Variants in FHIP2B observed in about 807,000 individuals in gnomAD.
The protein encoded by FHIP2B is FHF complex subunit HOOK-interacting protein 2B.
In FHIP2B, 72 loss-of-function variants were observed where a neutral mutation model predicts 84.0. That is an observed-to-expected ratio of 0.86 (90% CI 0.71 to 1.04). The LOEUF (loss-of-function observed/expected upper bound fraction) is 1.04. FHIP2B is among the 50% of genes least tolerant of loss of function. The probability of loss-of-function intolerance (pLI) is 0.00; values close to 1 mark genes in which losing one functional copy is unlikely to be tolerated. For missense variants in FHIP2B, 972 were observed against 968.9 expected (o/e 1.00, Z -0.04); for synonymous variants, 497 against 418.7 (o/e 1.19, Z -2.28).
At position 22,102,921 on chromosome 8, in the gene FHIP2B, G is replaced by A; in HGVS notation, c.2222G>A (p.Gly741Glu). ...CAGAACGTCTCCCCAGCCCCGGAAG[G>A]GCAGGTCTGAGCCAGCACCAGGGCG... is the stretch of plus-strand genomic sequence containing the variant. Reference protein sequence around the residue: ...PRQNVSPAPEGQV With the variant: ...PRQNVSPAPEEQV The change falls in exon 17 of 17, where the codon GGG becomes GAG. Residue 741 changes from glycine to glutamate, a missense_variant. By Grantham distance (98) the Gly-to-Glu change is moderately conservative. Coordinates refer to ENST00000289921, the MANE Select transcript of FHIP2B (RefSeq NM_022749.7). The A allele has an allele frequency of 2.5e-6, 4 of 1,613,418 alleles. No individual in the cohort carries two copies. Among genetic ancestry groups the A allele is most frequent in the Non-Finnish European group, 2.5e-6 (3 of 1,179,790 alleles).
At chr8:22,101,277 C>A in intron 12 of FHIP2B, 163 bp from the exon 13 acceptor site, 1 of 661,804 alleles carries the variant, frequency 1.5e-6, no homozygotes, top group Non-Finnish European at 2.6e-6. Flanking sequence ...CCCACCTCAG[C>A]CTCCCAAAGT....
intron 2 of FHIP2B, chr8:22,095,439 G>C (rs1825710135): frequency 6.6e-6 from 1 of 152,220 alleles, no homozygotes; most frequent in African/African-American, 2.4e-5. Context: ...CAACCAGGAA[G>C]GTCTCCAGAC....
chr8:22,101,156 G>A (rs542109052), intron 12 of FHIP2B, 184 bp downstream of exon 12: 1 of 746,700 alleles, frequency 1.3e-6, no homozygotes, highest in East Asian at 2.7e-5. Context: ...CCGAGTACCT[G>A]GGATTACAGA....
At chr8:22,089,341 C>T in intron 1 of FHIP2B, 43 bp downstream of exon 1, 6 of 981,680 alleles carry the variant, frequency 6.1e-6, no homozygotes, top group Non-Finnish European at 7.3e-6. Flanking sequence ...GAGTCGCGGG[C>T]CTAGGCCGGG....
chr8:22,102,939 C>T lies in FHIP2B; in HGVS notation c.*8C>T, dbSNP rs751836920. The T allele has an allele frequency of 1.9e-6, 3 of 1,612,236 alleles. No individual in the cohort carries two copies. Among genetic ancestry groups the T allele is most frequent in the African/African-American group, 2.7e-5 (2 of 74,902 alleles). On this transcript the variant is annotated 3_prime_UTR_variant, in exon 17 of 17. Transcript: ENST00000289921. ...CCGGAAGGGCAGGTCTGAGCCAGCA[C>T]CAGGGCGGTGGGAGACTCCTGTCCA...
In FHIP2B at chr8:22,093,708, C is replaced by CTTT. The variant is rs59841460; in HGVS notation, c.46-708_46-706dup. On this transcript the variant is annotated intron_variant, in intron 1 of 16. Transcript: ENST00000289921. Reference sequence around the variant, plus strand: ...ATTGAGAGGAATGGAAAAGCTTTGTCTTTTTTTTTTTTTTTTTTTTTTTTT... The same window carrying CTTT: ...ATTGAGAGGAATGGAAAAGCTTTGTCTTTTTTTTTTTTTTTTTTTTTTTTTTTT... Among the ~76,000 whole-genome samples, 401 of 66,432 alleles carry CTTT rather than the reference C, an allele frequency of 6.0e-3. 116 individuals are homozygous for CTTT. Among genetic ancestry groups the CTTT allele is most frequent in the African/African-American group, 0.024 (381 of 15,798 alleles). 43.6% of individuals were successfully genotyped at this position (66,432 alleles called of 152,430 possible).
At position 22,094,367 on chromosome 8, in the gene FHIP2B, A is replaced by T. The variant is rs899150186; in HGVS notation, c.46-73A>T. The T allele has an allele frequency of 2.1e-6, 3 of 1,456,746 alleles. No homozygotes were observed. In the East Asian group the frequency reaches 7.7e-5, roughly 37 times the overall value. 90.2% of individuals were successfully genotyped at this position (1,456,746 alleles called of 1,614,324 possible). Reference sequence around the variant, plus strand: ...CTAGCATGAACCTGACACTCAGAATATCTGTTCCCATGCGGGCAGGGGCTC... The same window carrying T: ...CTAGCATGAACCTGACACTCAGAATTTCTGTTCCCATGCGGGCAGGGGCTC... On this transcript the variant is annotated intron_variant, in intron 1 of 16. Transcript: ENST00000289921.
chr8:22,102,311 T>C lies in FHIP2B; in HGVS notation c.1988T>C (p.Val663Ala). Residue 663 changes from valine to alanine, a missense_variant, in exon 15 of 17, where the codon GTG becomes GCG. Transcript: ENST00000289921. ...TGCAGGAGCCTATTCTCCGTGTTGG[T>C]GAGGGTGAGGACGCCTCGGCCCAAG... Reference protein sequence around the residue: ...PGCRSLFSVLVRVIGDLMQRI... With the variant: ...PGCRSLFSVLARVIGDLMQRI... The C allele has an allele frequency of 6.2e-7, 1 of 1,609,880 alleles. No individual in the cohort carries two copies. The highest frequency in any genetic ancestry group is 8.5e-7 in the Non-Finnish European group (1 of 1,179,326).
rs556491204 is a variant in FHIP2B at position 22,098,099 on chromosome 8, G to A, written c.557G>A (p.Cys186Tyr). The change falls in exon 6 of 17, where the codon TGC becomes TAC. Residue 186 changes from cysteine to tyrosine, a missense_variant. Coordinates refer to ENST00000289921, the MANE Select transcript of FHIP2B (RefSeq NM_022749.7). ...AAGATTGTAGGTAGGAAGAAAGCAT[G>A]CGGAGAACCCACTGCCCTGCCTAAG... The part of the protein sequence containing the change: ...GKKIVGRKKA[C>Y]GEPTALPKDT... 1 of 1,591,602 alleles carries A rather than the reference G, an allele frequency of 6.3e-7. No individual in the cohort carries two copies. The highest frequency in any genetic ancestry group is 1.8e-5 in the Admixed American group (1 of 56,190).
intron 1 of FHIP2B, 69 bp from the exon 2 acceptor site, chr8:22,094,371 G>T (rs1825650953): frequency 1.2e-5 from 18 of 1,481,098 alleles, no homozygotes; most frequent in Non-Finnish European, 1.6e-5. Flanking sequence ...CAGAATATCT[G>T]TTCCCATGCG....
intron 15 of FHIP2B, 96 bp downstream of exon 15, chr8:22,102,411 G>A: frequency 1.0e-5 from 6 of 586,904 alleles, no homozygotes; most frequent in Admixed American, 4.6e-5. Flanking sequence ...GGAGGGGTGG[G>A]CACCCTTGCC....
chr8:22,104,236 G>A lies in FHIP2B; in HGVS notation c.*1305G>A, dbSNP rs887025470. The A allele has an allele frequency of 1.2e-4, 18 of 152,218 alleles. No homozygotes were observed. The highest frequency in any genetic ancestry group is 3.6e-4 in the African/African-American group (15 of 41,292). 9.4% of individuals were successfully genotyped at this position (152,218 alleles called of 1,614,324 possible). On this transcript the variant is annotated 3_prime_UTR_variant, in exon 17 of 17. Transcript: ENST00000289921. Reference sequence around the variant, plus strand: ...TGGTGTGGACGGGGCGCAGATCTCCGTGGATGAACTGCGTCTGGACTCTTA... The same window carrying A: ...TGGTGTGGACGGGGCGCAGATCTCCATGGATGAACTGCGTCTGGACTCTTA...
rs1253165304 is a variant in FHIP2B, at chr8:22,097,602, C to T, written c.384C>T (p.Ser128=). ...AGCACCCCCTGCTGCATTACCTCAG[C>T]GTCCACAGGCCTGTGCAGGTGAGGG... ...QVQHPLLHYL[S]VHRPVQKLLR... The change falls in exon 4 of 17, where the codon AGC becomes AGT. Residue 128 remains serine, a synonymous_variant. Coordinates refer to ENST00000289921, the MANE Select transcript of FHIP2B (RefSeq NM_022749.7). 9 of 1,607,894 alleles carry T rather than the reference C, an allele frequency of 5.6e-6. No homozygotes were observed. The highest frequency in any genetic ancestry group is 2.7e-5 in the African/African-American group (2 of 74,764).
At chr8:22,091,958 T>G (rs758923503) in intron 1 of FHIP2B, among the ~76,000 whole-genome samples, 10 of 152,236 alleles carry the variant, frequency 6.6e-5, no homozygotes, top group Non-Finnish European at 1.3e-4. Context: ...CACAGAACCC[T>G]GGCTCTCAGG....
chr8:22,100,542 CT>C, intron 10 of FHIP2B, 51 bp from the exon 11 acceptor site: 1 of 1,486,916 alleles, frequency 6.7e-7, no homozygotes, highest in Non-Finnish European at 8.9e-7. Context: ...CAAGGCACCC[CT>C]GGGAGCTGGG....
At position 22,099,062 on chromosome 8, in the gene FHIP2B, C is replaced by T. The variant is rs1217386917; in HGVS notation, c.1074+6C>T. 6.3e-7 allele frequency: 1 copy of T among 1,585,446 alleles called. No individual in the cohort carries two copies. The highest frequency in any genetic ancestry group is 2.3e-5 in the East Asian group (1 of 43,910). ...TCATCACAGAGGCACACACGGTGAG[C>T]AGGGGCGGGCGGAGGCCGGGCTCTC... On this transcript the variant is annotated splice_donor_region_variant and intron_variant, in intron 8 of 16. Coordinates refer to ENST00000289921, the MANE Select transcript of FHIP2B (RefSeq NM_022749.7).
At chr8:22,100,331 C>A (rs1826035068) in intron 10 of FHIP2B, 2 of 425,732 alleles carry the variant, frequency 4.7e-6, no homozygotes, top group South Asian at 1.3e-4. Flanking sequence ...TCCCATTTCT[C>A]AGACATGGAA....
chr8:22,100,299 G>A (rs538499296), intron 10 of FHIP2B: 13 of 394,712 alleles, frequency 3.3e-5, no homozygotes, highest in South Asian at 6.6e-5. Context: ...GTACTACTTC[G>A]TGAGGTAGGC....
At chr8:22,099,418 C>G (rs1825978260) in intron 9 of FHIP2B, 58 bp downstream of exon 9, 9 of 1,545,204 alleles carry the variant, frequency 5.8e-6, no homozygotes, top group South Asian at 3.5e-5. Context: ...CCTACCCCAC[C>G]CAGCCTCGTC....
Sources: allele counts gnomAD v4.1 joint callset (sites outside exome capture counted in the v4.1 genomes callset), GRCh38; gene constraint gnomAD v4.1.1; transcripts MANE v1.5; gene names NCBI Gene and HGNC (gene_info 2026-07-23, HGNC 2026-07-21).